Variants in STT3B observed in about 807,000 individuals in gnomAD.
The protein encoded by STT3B is dolichyl-diphosphooligosaccharide--protein glycosyltransferase subunit STT3B.
A neutral mutation model predicts 96.8 loss-of-function variants in STT3B; 29 were observed. That is an observed-to-expected ratio of 0.30 (90% CI 0.22 to 0.41). The LOEUF (loss-of-function observed/expected upper bound fraction) is 0.41, where lower values mean the gene tolerates loss of function less well. Among genes scored for constraint, STT3B ranks in the 10% least tolerant of loss-of-function variants. The pLI, the probability that STT3B is intolerant of heterozygous loss-of-function variation, is 1.00. For missense variants in STT3B, 640 were observed against 1,022.3 expected (o/e 0.63, Z 5.10); for synonymous variants, 367 against 360.0 (o/e 1.02, Z -0.22).
intron 13 of STT3B, among the ~76,000 whole-genome samples, chr3:31,627,871 T>C (rs1483708695): frequency 6.6e-6 from 1 of 152,168 alleles, no homozygotes; most frequent in African/African-American, 2.4e-5. Flanking sequence ...GCATCTTAAA[T>C]TATTTTTAAA....
At chr3:31,576,564 A>G in intron 2 of STT3B, 60 bp downstream of exon 2, 1 of 1,008,528 alleles carries the variant, frequency 9.9e-7, no homozygotes, top group Non-Finnish European at 1.4e-6. Context: ...TGAGTAAATC[A>G]TTAATTGCCA....
intron 4 of STT3B, among the ~76,000 whole-genome samples, chr3:31,598,954 C>T (rs1373797446): frequency 6.6e-6 from 1 of 152,006 alleles, no homozygotes; most frequent in East Asian, 1.9e-4. Flanking sequence ...GGATTACAGG[C>T]ATGTGCCACC....
chr3:31,620,841 A>C (rs1483979520), intron 9 of STT3B, among the ~76,000 whole-genome samples: 2 of 152,214 alleles, frequency 1.3e-5, no homozygotes, highest in African/African-American at 4.8e-5. Flanking sequence ...GTGACACATG[A>C]ATCAGGAAAG....
At chr3:31,539,078 T>C (rs1447841959) in intron 1 of STT3B, among the ~76,000 whole-genome samples, 2 of 152,138 alleles carry the variant, frequency 1.3e-5, no homozygotes, top group Non-Finnish European at 2.9e-5. Context: ...AATCTAACCA[T>C]TATTTAGAAT....
At chr3:31,582,726 C>T (rs547809578) in intron 3 of STT3B, among the ~76,000 whole-genome samples, 26 of 152,006 alleles carry the variant, frequency 1.7e-4, no homozygotes, top group African/African-American at 5.8e-4. Flanking sequence ...GACGGTGTCT[C>T]ATAAGTTCTG....
At chr3:31,533,381 G>T in intron 1 of STT3B, 69 bp downstream of exon 1, 3 of 1,392,356 alleles carry the variant, frequency 2.2e-6, no homozygotes, top group Non-Finnish European at 2.8e-6. Context: ...TCCGCCCGCC[G>T]CAGCTCTCCT....
chr3:31,602,656 TG>T (rs1698955943), intron 5 of STT3B, among the ~76,000 whole-genome samples: 2 of 137,824 alleles, frequency 1.5e-5, no homozygotes, highest in Non-Finnish European at 3.0e-5. Context: ...ATTTGGTAGC[TG>T]GGATTTTTTT....
At chr3:31,541,295 G>A (rs911772582) in intron 1 of STT3B, among the ~76,000 whole-genome samples, 4 of 152,054 alleles carry the variant, frequency 2.6e-5, no homozygotes, top group Admixed American at 6.5e-5. Context: ...TACCTTAGAC[G>A]ACCTGGTGTG....
At chr3:31,623,001 A>T (rs1034344527) in intron 10 of STT3B, among the ~76,000 whole-genome samples, 5 of 152,184 alleles carry the variant, frequency 3.3e-5, no homozygotes, top group Non-Finnish European at 7.3e-5. Flanking sequence ...TCCTTCTATA[A>T]GATGAATGTA....
intron 7 of STT3B, 125 bp downstream of exon 7, chr3:31,617,200 T>TTC: frequency 1.4e-6 from 1 of 696,208 alleles, no homozygotes; most frequent in Non-Finnish European, 2.1e-6. Context: ...TTTTTTTTTT[T>TTC]TGAATAGTAT....
chr3:31,628,934 G>A (rs1270156399), intron 13 of STT3B, among the ~76,000 whole-genome samples: 1 of 152,056 alleles, frequency 6.6e-6, no homozygotes, highest in Non-Finnish European at 1.5e-5. Context: ...GTGAAACCCT[G>A]TCTCTACAAA....
At chr3:31,609,943 T>C (rs1193642344) in intron 5 of STT3B, among the ~76,000 whole-genome samples, 1 of 152,228 alleles carries the variant, frequency 6.6e-6, no homozygotes, top group Non-Finnish European at 1.5e-5. Flanking sequence ...TTGCTGCTTT[T>C]ACAAGTCTGG....
chr3:31,600,263 T>C, intron 4 of STT3B, 97 bp from the exon 5 acceptor site: 1 of 483,622 alleles, frequency 2.1e-6, no homozygotes, highest in Non-Finnish European at 3.5e-6. Flanking sequence ...GCTAAAATCT[T>C]AATGTTTATA....
chr3:31,624,656 T>C (rs900081984), intron 11 of STT3B, among the ~76,000 whole-genome samples: 9 of 150,190 alleles, frequency 6.0e-5, no homozygotes, highest in Non-Finnish European at 1.3e-4. Flanking sequence ...CCAGAACTAC[T>C]GAATCAGAAT....
chr3:31,616,405 C>T (rs968832222), intron 6 of STT3B, among the ~76,000 whole-genome samples: 3 of 151,692 alleles, frequency 2.0e-5, no homozygotes, highest in Admixed American at 6.6e-5. Context: ...TTCTCAAATG[C>T]CAAGATGCCA....
chr3:31,630,249 C>T (rs1699626061), intron 14 of STT3B, among the ~76,000 whole-genome samples: 1 of 152,186 alleles, frequency 6.6e-6, no homozygotes, highest in Non-Finnish European at 1.5e-5. Flanking sequence ...TATAAATTCT[C>T]CTTTACTGGA....
chr3:31,600,098 C>T (rs917043200), intron 4 of STT3B, among the ~76,000 whole-genome samples: 1 of 152,098 alleles, frequency 6.6e-6, no homozygotes, highest in Non-Finnish European at 1.5e-5. Flanking sequence ...ATACTCTCAG[C>T]TTTTCTATTA....
In STT3B at chr3:31,617,025, C is replaced by T. The variant is rs149441473; in HGVS notation, c.1073C>T (p.Ser358Leu). The T allele has an allele frequency of 2.2e-5, 35 of 1,611,640 alleles. No individual in the cohort carries two copies. Among genetic ancestry groups the T allele is most frequent in the Non-Finnish European group, 2.7e-5 (32 of 1,178,290 alleles). ...EFQTLFFLGVSLAAGAVFLSV... is the reference protein window; with the variant it reads ...EFQTLFFLGVLLAAGAVFLSV... ...CAGACCCTTTTCTTTTTGGGTGTAT[C>T]ACTAGCTGCAGGTGCTGTGTTCCTT... is the stretch of plus-strand genomic sequence containing the variant. The change falls in exon 7 of 16, where the codon TCA (serine) becomes TTA (leucine). Residue 358 changes from serine (S) to leucine (L), a missense_variant. Physicochemically the swap from Ser to Leu is moderately radical, Grantham distance 145 (BLOSUM62 -2). Around this residue, in one of 8 missense-constraint regions of STT3B, gnomAD observed 267 missense variants for 388.3 expected, o/e 0.69. Transcript: ENST00000295770.
intron 3 of STT3B, 38 bp downstream of exon 3, chr3:31,580,134 G>A (rs768255906): frequency 3.0e-5 from 48 of 1,586,366 alleles, no homozygotes; most frequent in Admixed American, 1.0e-4. Flanking sequence ...ATTATTACTC[G>A]TGACCTTTCT....
Sources: gnomAD v4.1 joint callset for allele counts (sites outside exome capture counted in the v4.1 genomes callset) on GRCh38, gnomAD v4.1.1 for gene constraint, gnomAD v4.1.1 regional missense constraint, MANE v1.5 for transcripts, NCBI Gene and HGNC (gene_info 2026-07-23, HGNC 2026-07-21) for gene names.